ATP11A: variants seen among roughly 807,000 people sequenced by gnomAD.
ATP11A encodes the protein ATPase phospholipid transporting 11A.
A neutral mutation model predicts 154.4 loss-of-function variants in ATP11A; 81 were observed. The observed-to-expected ratio is 0.52, with a 90% CI of 0.44 to 0.63. The LOEUF (loss-of-function observed/expected upper bound fraction) is 0.63, where lower values mean the gene tolerates loss of function less well. Ranked by LOEUF, ATP11A falls within the 30% of genes least tolerant of loss-of-function variation. ATP11A has a pLI of 0.00. For synonymous variants in ATP11A, 623 were observed against 585.9 expected, an observed-to-expected ratio of 1.06 and a Z score of -0.91; for missense variants, 1,316 against 1,474.3, an observed-to-expected ratio of 0.89 and a Z score of 1.76.
In ATP11A at chr13:112,816,117, C is replaced by T. The variant is rs747373762; in HGVS notation, c.476C>T (p.Thr159Ile). 1.2e-4 allele frequency: 190 copies of T among 1,614,190 alleles called. 2 individuals are homozygous for T. In the South Asian group the frequency reaches 2.0e-3, roughly 17 times the overall value. The change falls in exon 6 of 30, where the codon ACC becomes ATC. Residue 159 changes from threonine to isoleucine, a missense_variant. By Grantham distance (89) the Thr-to-Ile change is moderately conservative. Transcript: ENST00000375645. ...ATTGTCATGGTTAAGGAGGACGAGA[C>T]CTTTCCCTGCGACTTGATCTTCCTT... ...GDIVMVKEDE[T>I]FPCDLIFLSS...
intron 1 of ATP11A, among the ~76,000 whole-genome samples, chr13:112,732,604 A>AGTTT (rs756900904): frequency 2.6e-5 from 4 of 152,092 alleles, no homozygotes; most frequent in African/African-American, 4.8e-5. Context: ...ATCTGCCTCT[A>AGTTT]GTTTGTTTGT....
intron 25 of ATP11A, among the ~76,000 whole-genome samples, chr13:112,865,617 T>C (rs1397535424): frequency 1.3e-5 from 2 of 152,266 alleles, no homozygotes; most frequent in African/African-American, 4.8e-5. Context: ...TGGCGCAGTC[T>C]TGGCTCACTG....
intron 5 of ATP11A, among the ~76,000 whole-genome samples, chr13:112,812,827 G>A (rs1338420364): frequency 6.6e-6 from 1 of 152,242 alleles, no homozygotes; most frequent in African/African-American, 2.4e-5. Context: ...GAGAGCAGAT[G>A]GCCCTGGCCT....
Position 112,882,647 on chromosome 13 carries a change from G to T in ATP11A, c.*781G>T, listed in dbSNP as rs564815221. ...CGGTCTCCCCATCACCGGCCGCCTC[G>T]TGGAGAAGGCAGTGCCACGTGGGAG... On this transcript the variant is annotated 3_prime_UTR_variant, in exon 30 of 30. Coordinates refer to ENST00000375645, the MANE Select transcript of ATP11A (RefSeq NM_015205.3). The surrounding 1 kb of genome is among the most constrained non-coding windows in gnomAD (Gnocchi z 5.1). 5 of 400,276 alleles carry T rather than the reference G, an allele frequency of 1.2e-5. No homozygotes were observed. The highest frequency in any genetic ancestry group is 2.2e-5 in the Non-Finnish European group (5 of 227,632). The allele number at this position is 400,276 out of a possible 1,614,324, so 24.8% of individuals were successfully genotyped here.
chr13:112,716,916 C>T (rs909055777), intron 1 of ATP11A, among the ~76,000 whole-genome samples: 1 of 109,486 alleles, frequency 9.1e-6, no homozygotes, highest in African/African-American at 3.7e-5. Flanking sequence ...ATCAGGTGGA[C>T]ATCCGGGAGC....
At chr13:112,797,284 CAAAAAAAAAA>C (rs34154413) in intron 2 of ATP11A, among the ~76,000 whole-genome samples, 12 of 36,284 alleles carry the variant, frequency 3.3e-4, no homozygotes, top group Admixed American at 1.2e-3. Context: ...AACTCCATCT[CAAAAAAAAAA>C]AAAAAAAAAA....
chr13:112,716,196 G>A (rs946766319), intron 1 of ATP11A, among the ~76,000 whole-genome samples: 8 of 152,222 alleles, frequency 5.3e-5, no homozygotes, highest in African/African-American at 1.9e-4. Flanking sequence ...GAGCTCCCAT[G>A]AGAAGCATCC....
At chr13:112,723,097 C>T (rs564106156) in intron 1 of ATP11A, among the ~76,000 whole-genome samples, 5 of 151,928 alleles carry the variant, frequency 3.3e-5, no homozygotes, top group Admixed American at 6.6e-5. Context: ...GCAGGTCTGA[C>T]GCCCGCAGGC....
intron 1 of ATP11A, among the ~76,000 whole-genome samples, chr13:112,693,159 G>C (rs1236750292): frequency 6.6e-6 from 1 of 152,214 alleles, no homozygotes; most frequent in African/African-American, 2.4e-5. Flanking sequence ...GTTAGGCCAG[G>C]GTAGCCAGGT....
At chr13:112,730,906 G>A (rs987896218) in intron 1 of ATP11A, among the ~76,000 whole-genome samples, 24 of 152,144 alleles carry the variant, frequency 1.6e-4, no homozygotes, top group African/African-American at 5.6e-4. Flanking sequence ...ACTTTCTCAT[G>A]GGACAGGTGT....
chr13:112,769,974 C>T (rs2077188072), intron 1 of ATP11A, among the ~76,000 whole-genome samples: 1 of 151,930 alleles, frequency 6.6e-6, no homozygotes, highest in Non-Finnish European at 1.5e-5. Flanking sequence ...CGCATGAAAT[C>T]AGCGTTACGT....
At chr13:112,700,392 G>A (rs1240344348) in intron 1 of ATP11A, among the ~76,000 whole-genome samples, 1 of 152,146 alleles carries the variant, frequency 6.6e-6, no homozygotes, top group African/African-American at 2.4e-5. Context: ...GCTGCCGTCC[G>A]GCATGTCTGG....
chr13:112,722,071 A>G (rs1432197196), intron 1 of ATP11A, among the ~76,000 whole-genome samples: 1 of 152,178 alleles, frequency 6.6e-6, no homozygotes, highest in Non-Finnish European at 1.5e-5. Flanking sequence ...TGAAGGGTCC[A>G]ACTCACAATA....
In ATP11A at chr13:112,854,501, C is replaced by T. The variant is rs775318504; in HGVS notation, c.2214C>T (p.Ser738=). ...FELSKTVLRH[S]GSLTRDNLSG... is the part of the protein sequence containing the mutation. ...TGAGCAAGACGGTCCTGCGCCACAG[C>T]GGGAGCCTGACCAGAGACAACCTGT... Residue 738 remains serine (S), a synonymous_variant, in exon 19 of 30, where the codon AGC becomes AGT. Coordinates refer to ENST00000375645, the MANE Select transcript of ATP11A (RefSeq NM_015205.3). 19 of 1,611,390 alleles carry T rather than the reference C, an allele frequency of 1.2e-5. No individual in the cohort carries two copies. The highest frequency in any genetic ancestry group is 5.0e-5 in the Admixed American group (3 of 60,022).
rs544459588 is a variant in ATP11A, at chr13:112,772,152, C to T, written c.40-12983C>T. 3.3e-5 allele frequency among the ~76,000 whole-genome samples: 5 copies of T among 152,178 alleles called. No individual in the cohort carries two copies. In the South Asian group the frequency reaches 8.3e-4, roughly 25 times the overall value. ...CACCTTATCTTTGTTGGCAAAGTGCCCTATGAAATGTAAAACAAAGTCTTT... is the reference window on the plus strand; with the variant it reads ...CACCTTATCTTTGTTGGCAAAGTGCTCTATGAAATGTAAAACAAAGTCTTT... On this transcript the variant is annotated intron_variant, in intron 1 of 29. Transcript: ENST00000375645.
At chr13:112,766,728 A>G (rs554700280) in intron 1 of ATP11A, among the ~76,000 whole-genome samples, 3 of 152,120 alleles carry the variant, frequency 2.0e-5, no homozygotes, top group South Asian at 4.2e-4. Flanking sequence ...CTGTGCTGAA[A>G]GCTGCAGCAG....
chr13:112,843,436 C>A (rs1010493935), intron 17 of ATP11A, among the ~76,000 whole-genome samples: 5 of 152,208 alleles, frequency 3.3e-5, no homozygotes, highest in Admixed American at 1.3e-4. Flanking sequence ...CTCACTCCAG[C>A]CCAGGGCAGC....
At chr13:112,852,143 A>G (rs1011001364) in intron 18 of ATP11A, among the ~76,000 whole-genome samples, 16 of 152,180 alleles carry the variant, frequency 1.1e-4, no homozygotes, top group African/African-American at 3.9e-4. Flanking sequence ...GAGCTGAGTG[A>G]AAGGCATGGA....
At chr13:112,822,475 A>C (rs186325007) in intron 8 of ATP11A, among the ~76,000 whole-genome samples, 4 of 152,268 alleles carry the variant, frequency 2.6e-5, no homozygotes, top group Admixed American at 2.0e-4. Flanking sequence ...CCCCCCATTC[A>C]GAGGAGCTTT....
Sources: allele counts gnomAD v4.1 joint callset (sites outside exome capture counted in the v4.1 genomes callset), GRCh38; gene constraint gnomAD v4.1.1; non-coding constraint Gnocchi (gnomAD v3.1); transcripts MANE v1.5; gene names NCBI Gene and HGNC (gene_info 2026-07-23, HGNC 2026-07-21).